Variants in DMXL2 observed in about 807,000 individuals in gnomAD.
DMXL2 encodes the protein Dmx like 2.
In DMXL2, 103 loss-of-function variants were observed where a neutral mutation model predicts 331.1. That is an observed-to-expected ratio of 0.31 (90% CI 0.27 to 0.37). The LOEUF (loss-of-function observed/expected upper bound fraction) is 0.37, where lower values mean the gene tolerates loss of function less well. Among genes scored for constraint, DMXL2 ranks in the 10% least tolerant of loss-of-function variants. The pLI, the probability that DMXL2 is intolerant of heterozygous loss-of-function variation, is 1.00. For missense variants in DMXL2, 3,171 were observed against 3,642.9 expected (o/e 0.87, Z 3.33); for synonymous variants, 1,281 against 1,252.1 (o/e 1.02, Z -0.49).
At chr15:51,486,463 G>A (rs1057116612) in intron 22 of DMXL2, 126 bp from the exon 23 acceptor site, 2 of 729,156 alleles carry the variant, frequency 2.7e-6, no homozygotes, top group Non-Finnish European at 4.3e-6. Flanking sequence ...GACAGTGAAG[G>A]GTAGTTAAAT....
Position 51,622,451 on chromosome 15 carries a change from C to T in DMXL2, c.87+8G>A. ...TATCTTCCCCTAGGGCTCCCGGCCGCCGCTCACCGTGAAGGGGACATCCCC... is the reference window on the plus strand; with the variant it reads ...TATCTTCCCCTAGGGCTCCCGGCCGTCGCTCACCGTGAAGGGGACATCCCC... On this transcript the variant is annotated splice_region_variant and intron_variant, in intron 1 of 43. Transcript: ENST00000560891. 6.4e-7 allele frequency: 1 copy of T among 1,557,822 alleles called. No homozygotes were observed.
At chr15:51,523,771 A>G (rs1309377787) in intron 13 of DMXL2, among the ~76,000 whole-genome samples, 1 of 152,266 alleles carries the variant, frequency 6.6e-6, no homozygotes, top group Non-Finnish European at 1.5e-5. Flanking sequence ...TGGCCTTGCC[A>G]ACACCTTGAA....
At chr15:51,549,137 A>G (rs1374908446) in intron 6 of DMXL2, among the ~76,000 whole-genome samples, 2 of 151,972 alleles carry the variant, frequency 1.3e-5, no homozygotes, top group Non-Finnish European at 2.9e-5. Flanking sequence ...CTAGTCCCCA[A>G]AGTCCATTGT....
chr15:51,506,097 G>A (rs1004409927), intron 16 of DMXL2, among the ~76,000 whole-genome samples: 1 of 152,184 alleles, frequency 6.6e-6, no homozygotes, highest in African/African-American at 2.4e-5. Flanking sequence ...AAATTGACAA[G>A]GGTCTCACTT....
intron 29 of DMXL2, among the ~76,000 whole-genome samples, chr15:51,468,217 A>G (rs2040773892): frequency 6.6e-6 from 1 of 152,186 alleles, no homozygotes; most frequent in African/African-American, 2.4e-5. Context: ...GTAGTTTCTA[A>G]ATATAATTTC....
chr15:51,565,137 C>T lies in DMXL2; in HGVS notation c.315G>A (p.Gly105=), dbSNP rs745411967. 18 of 1,584,076 alleles carry T rather than the reference C, an allele frequency of 1.1e-5. No homozygotes were observed. The highest frequency in any genetic ancestry group is 1.5e-5 in the Non-Finnish European group (18 of 1,167,012). The stretch of plus-strand genomic sequence containing the variant: ...ATGTCACAGAACTCAAAAAAAACTG[C>T]CCAGTTTTAAGCCACTGGCACTTGA... The part of the protein sequence containing the change: ...CQLKCQWLKT[G]QFFLSSVTYN... Residue 105 remains glycine, a synonymous_variant, in exon 4 of 44, where the codon GGG becomes GGA. Transcript: ENST00000560891.
intron 27 of DMXL2, 59 bp downstream of exon 27, chr15:51,476,530 C>T (rs2041595144): frequency 6.3e-7 from 1 of 1,576,398 alleles, no homozygotes; most frequent in Non-Finnish European, 8.6e-7. Context: ...GGTCAGTAGG[C>T]TTTTAGGAAG....
rs796420417 is a variant in DMXL2, at chr15:51,580,703, A to C, written c.88-4522T>G. ...ATTCATGTGGGAGGATTTGTTTTATAAAAGGACTAAACTGTTTCTCTGATG... is the reference window on the plus strand; with the variant it reads ...ATTCATGTGGGAGGATTTGTTTTATCAAAGGACTAAACTGTTTCTCTGATG... On this transcript the variant is annotated intron_variant, in intron 1 of 43. Coordinates refer to ENST00000560891, the MANE Select transcript of DMXL2 (RefSeq NM_001378457.1). Among the ~76,000 whole-genome samples, 6 of 152,214 alleles carry C rather than the reference A, an allele frequency of 3.9e-5. No homozygotes were observed. The South Asian group carries it at 1.2e-3, about 31-fold the overall frequency.
intron 6 of DMXL2, among the ~76,000 whole-genome samples, chr15:51,561,727 C>T (rs1033067084): frequency 3.3e-5 from 5 of 152,324 alleles, no homozygotes; most frequent in African/African-American, 1.2e-4. Flanking sequence ...GGGATAGCTA[C>T]ACTCCCATGT....
intron 2 of DMXL2, 25 bp from the exon 3 acceptor site, chr15:51,568,583 A>G (rs2050446595): frequency 2.1e-6 from 3 of 1,440,992 alleles, no homozygotes; most frequent in South Asian, 2.5e-5. Flanking sequence ...ATACAGCATT[A>G]ATATCTAGAA....
At chr15:51,559,002 G>C (rs538576052) in intron 6 of DMXL2, among the ~76,000 whole-genome samples, 3 of 151,988 alleles carry the variant, frequency 2.0e-5, no homozygotes, top group African/African-American at 7.2e-5. Flanking sequence ...GTTATTATAG[G>C]CTTCACTAGA....
At chr15:51,467,865 T>G (rs2040736825) in intron 29 of DMXL2, among the ~76,000 whole-genome samples, 1 of 152,070 alleles carries the variant, frequency 6.6e-6, no homozygotes, top group Admixed American at 6.6e-5. Flanking sequence ...TAGCTGGGAC[T>G]ACAGGCACCT....
Position 51,563,637 on chromosome 15 carries a change from T to G in DMXL2, c.501-190A>C, listed in dbSNP as rs140877638. On this transcript the variant is annotated intron_variant, in intron 5 of 43. Transcript: ENST00000560891. Reference sequence around the variant, plus strand: ...TAAATTTATTAAAACTAATCCAACATTCACTTTGGGAAAAGAAGAATGTAA... The same window carrying G: ...TAAATTTATTAAAACTAATCCAACAGTCACTTTGGGAAAAGAAGAATGTAA... Among the ~76,000 whole-genome samples the G allele has an allele frequency of 6.7e-3, 1,013 of 152,248 alleles. 7 individuals are homozygous for G. Among genetic ancestry groups the G allele is most frequent in the Non-Finnish European group, 0.011 (744 of 67,954 alleles).
intron 2 of DMXL2, among the ~76,000 whole-genome samples, chr15:51,570,087 G>T (rs1318548791): frequency 6.6e-6 from 1 of 152,130 alleles, no homozygotes; most frequent in Non-Finnish European, 1.5e-5. Context: ...TCAGCTTAGA[G>T]AGGAACATAA....
At chr15:51,510,316 TCAG>T (rs1394125523) in intron 15 of DMXL2, among the ~76,000 whole-genome samples, 2 of 152,176 alleles carry the variant, frequency 1.3e-5, no homozygotes, top group Non-Finnish European at 2.9e-5. Flanking sequence ...CCCAATCGTC[TCAG>T]CCCAAAATCT....
chr15:51,487,644 G>A (rs1445074189), intron 22 of DMXL2, among the ~76,000 whole-genome samples: 1 of 152,072 alleles, frequency 6.6e-6, no homozygotes, highest in Non-Finnish European at 1.5e-5. Context: ...TTTTAGTAGA[G>A]ATAGAGTTTT....
chr15:51,607,289 T>A (rs1302142782), intron 1 of DMXL2, among the ~76,000 whole-genome samples: 6 of 149,874 alleles, frequency 4.0e-5, no homozygotes, highest in Admixed American at 4.0e-4. Flanking sequence ...ACCCCGTCTC[T>A]ACTAAAAATA....
chr15:51,471,436 T>C (rs1179628844), intron 28 of DMXL2, 35 bp from the exon 29 acceptor site: 1 of 1,550,996 alleles, frequency 6.4e-7, no homozygotes. Flanking sequence ...AAATCTAGCA[T>C]TCATTTTCCA....
At position 51,480,473 on chromosome 15, in the gene DMXL2, T is replaced by C. The variant is rs2041930590; in HGVS notation, c.6564+69A>G. 1.4e-5 allele frequency: 21 copies of C among 1,453,860 alleles called. No homozygotes were observed. In the East Asian group the frequency reaches 1.8e-4, roughly 13 times the overall value. The allele number at this position is 1,453,860 out of a possible 1,614,324, so 90.1% of individuals were successfully genotyped here. ...AGTAAAAAGTAGTAAAAGAGCTTTA[T>C]AGCTATAACTGGAAGAGCTACTGAA... On this transcript the variant is annotated intron_variant, in intron 24 of 43. Coordinates refer to ENST00000560891, the MANE Select transcript of DMXL2 (RefSeq NM_001378457.1).
Sources: gnomAD v4.1 joint callset for allele counts (sites outside exome capture counted in the v4.1 genomes callset) on GRCh38, gnomAD v4.1.1 for gene constraint, MANE v1.5 for transcripts, NCBI Gene and HGNC (gene_info 2026-07-23, HGNC 2026-07-21) for gene names.